Variants in WWOX observed in about 807,000 individuals in gnomAD.
WWOX encodes the protein WW domain-containing oxidoreductase.
In WWOX, 69 loss-of-function variants were observed where a neutral mutation model predicts 46.2. The ratio of observed to expected loss-of-function variants is 1.49; its 90% CI spans 1.23 to 1.82. The LOEUF is 1.82. Among genes scored for constraint, WWOX ranks in the 40% most tolerant of loss-of-function variants. The probability of loss-of-function intolerance (pLI) is 0.00; values close to 1 mark genes in which losing one functional copy is unlikely to be tolerated. For missense variants in WWOX, 919 were observed against 542.6 expected, an observed-to-expected ratio of 1.69 and a Z score of -6.89; for synonymous variants, 359 against 202.6, an observed-to-expected ratio of 1.77 and a Z score of -6.56.
intron 6 of WWOX, among the ~76,000 whole-genome samples, chr16:78,403,383 C>G (rs995183704): frequency 1.3e-5 from 2 of 152,072 alleles, no homozygotes; most frequent in East Asian, 1.9e-4. Context: ...ATTAATGTTC[C>G]CTTCCCATGA....
intron 8 of WWOX, among the ~76,000 whole-genome samples, chr16:78,852,695 A>G (rs930892335): frequency 6.6e-6 from 1 of 152,320 alleles, no homozygotes; most frequent in South Asian, 2.1e-4. Flanking sequence ...TTTGCTACAC[A>G]CCAATATTAA....
chr16:78,434,849 A>T (rs1269389935), intron 8 of WWOX, among the ~76,000 whole-genome samples: 3 of 152,168 alleles, frequency 2.0e-5, no homozygotes, highest in African/African-American at 7.2e-5. Flanking sequence ...GGAAACTGTT[A>T]TTCTGTGGCC....
At chr16:78,484,657 G>T (rs943289708) in intron 8 of WWOX, among the ~76,000 whole-genome samples, 1 of 152,080 alleles carries the variant, frequency 6.6e-6, no homozygotes, top group Non-Finnish European at 1.5e-5. Flanking sequence ...TGGATGTGGG[G>T]CTTTAAAGGC....
intron 8 of WWOX, among the ~76,000 whole-genome samples, chr16:78,785,493 C>T (rs984026607): frequency 1.3e-5 from 2 of 152,174 alleles, no homozygotes; most frequent in African/African-American, 4.8e-5. Flanking sequence ...TGCACCTATA[C>T]ATGTACACAC....
intron 5 of WWOX, among the ~76,000 whole-genome samples, chr16:78,215,939 A>G (rs192957418): frequency 1.3e-5 from 2 of 152,068 alleles, no homozygotes; most frequent in East Asian, 1.9e-4. Context: ...GAGAAAGAAA[A>G]CAGATTAATA....
At chr16:78,747,077 C>T (rs2049365152) in intron 8 of WWOX, among the ~76,000 whole-genome samples, 1 of 152,116 alleles carries the variant, frequency 6.6e-6, no homozygotes, top group Non-Finnish European at 1.5e-5. Flanking sequence ...ATCCTGCAAC[C>T]ACTCTAGTCT....
intron 8 of WWOX, among the ~76,000 whole-genome samples, chr16:78,670,995 G>T (rs2047449533): frequency 6.6e-6 from 1 of 151,858 alleles, no homozygotes; most frequent in South Asian, 2.1e-4. Flanking sequence ...TACCAGCCAA[G>T]GAATGCCAAG....
At chr16:78,291,540 T>TAA (rs2079857353) in intron 5 of WWOX, among the ~76,000 whole-genome samples, 1 of 151,614 alleles carries the variant, frequency 6.6e-6, no homozygotes, top group African/African-American at 2.4e-5. Context: ...ACTGCAGAGG[T>TAA]TTCTTATTAT....
At position 78,979,395 on chromosome 16, in the gene WWOX, A is replaced by G. The variant is rs531405796; in HGVS notation, c.1057-232213A>G. 2.0e-5 allele frequency among the ~76,000 whole-genome samples: 3 copies of G among 152,276 alleles called. No homozygotes were observed. In the East Asian group the frequency reaches 5.8e-4, roughly 29 times the overall value. On this transcript the variant is annotated intron_variant, in intron 8 of 8. Coordinates refer to ENST00000566780, the MANE Select transcript of WWOX (RefSeq NM_016373.4). ...TCTGTTATTAACATCAGCAGCAGCA[A>G]CAAGAAGAGAGAAGTTTATGTCTGT...
chr16:78,309,817 C>G lies in WWOX; in HGVS notation c.517-77043C>G, dbSNP rs190619791. 3.3e-4 allele frequency among the ~76,000 whole-genome samples: 51 copies of G among 152,342 alleles called. 1 individual carries two copies. The highest frequency in any genetic ancestry group is 4.8e-5 in the African/African-American group (2 of 41,576). On this transcript the variant is annotated intron_variant, in intron 5 of 8. Transcript: ENST00000566780. ...AGTGTCTGTCTTGTGGTCCTGAAGT[C>G]TAACTCTAATCCTGGCTCCACTACC...
chr16:79,132,544 C>G (rs191642711), intron 8 of WWOX, among the ~76,000 whole-genome samples: 2 of 152,142 alleles, frequency 1.3e-5, no homozygotes, highest in South Asian at 2.1e-4. Flanking sequence ...GAGTTTGTTT[C>G]TTGATCTCGA....
intron 8 of WWOX, among the ~76,000 whole-genome samples, chr16:78,967,126 T>C (rs2046376244): frequency 6.6e-6 from 1 of 152,058 alleles, no homozygotes; most frequent in Admixed American, 6.6e-5. Context: ...CTGATATGTG[T>C]TTCAGCCTGT....
At chr16:78,326,248 C>T (rs75919897) in intron 5 of WWOX, among the ~76,000 whole-genome samples, 1 of 152,178 alleles carries the variant, frequency 6.6e-6, no homozygotes, top group Non-Finnish European at 1.5e-5. Flanking sequence ...GGGCAAAACA[C>T]AACGGTTGCT....
intron 8 of WWOX, among the ~76,000 whole-genome samples, chr16:78,605,949 C>G (rs2045746519): frequency 1.3e-5 from 2 of 152,180 alleles, no homozygotes; most frequent in African/African-American, 2.4e-5. Flanking sequence ...TTGTAATAGA[C>G]TCAGCATCTG....
intron 8 of WWOX, among the ~76,000 whole-genome samples, chr16:78,960,881 A>G (rs1022449628): frequency 2.6e-5 from 4 of 152,334 alleles, no homozygotes; most frequent in African/African-American, 7.2e-5. Flanking sequence ...GCTCTTTTGA[A>G]GACTTGATGT....
At chr16:78,997,017 G>A (rs1387976986) in intron 8 of WWOX, among the ~76,000 whole-genome samples, 2 of 152,210 alleles carry the variant, frequency 1.3e-5, no homozygotes, top group Admixed American at 1.3e-4. Context: ...TCTCTGGCAA[G>A]TCCTGTCTGC....
At chr16:78,357,319 A>C (rs2081316802) in intron 5 of WWOX, among the ~76,000 whole-genome samples, 1 of 152,318 alleles carries the variant, frequency 6.6e-6, no homozygotes, top group African/African-American at 2.4e-5. Flanking sequence ...ATAGGTACTT[A>C]CCTTTCTCAG....
At chr16:78,417,810 A>G (rs2082833156) in intron 6 of WWOX, among the ~76,000 whole-genome samples, 1 of 152,148 alleles carries the variant, frequency 6.6e-6, no homozygotes, top group Non-Finnish European at 1.5e-5. Flanking sequence ...CTGTGTATTG[A>G]CAATTGTAGT....
chr16:78,907,828 C>G (rs2045005628), intron 8 of WWOX, among the ~76,000 whole-genome samples: 1 of 152,088 alleles, frequency 6.6e-6, no homozygotes, highest in Non-Finnish European at 1.5e-5. Flanking sequence ...TACCAGGAAT[C>G]CTCACCAGCC....
Sources: gnomAD v4.1 joint callset for allele counts (sites outside exome capture counted in the v4.1 genomes callset) on GRCh38, gnomAD v4.1.1 for gene constraint, MANE v1.5 for transcripts, NCBI Gene and HGNC (gene_info 2026-07-23, HGNC 2026-07-21) for gene names.